Variants in UNC13C observed in about 807,000 individuals in gnomAD.
UNC13C encodes the protein protein unc-13 homolog C.
UNC13C carries 174 observed loss-of-function variants against 245.4 expected under a neutral mutation model. The observed-to-expected ratio is 0.71, with a 90% CI of 0.63 to 0.80. The LOEUF is 0.80. UNC13C is among the 30% of genes least tolerant of loss of function. The pLI, the probability that UNC13C is intolerant of heterozygous loss-of-function variation, is 0.00. For synonymous variants in UNC13C, 992 were observed against 895.1 expected (o/e 1.11, Z -1.93); for missense variants, 2,829 against 2,602.9 (o/e 1.09, Z -1.89).
chr15:54,613,175 A>C (rs1900216031), intron 30 of UNC13C, among the ~76,000 whole-genome samples: 1 of 151,912 alleles, frequency 6.6e-6, no homozygotes, highest in African/African-American at 2.4e-5. Flanking sequence ...CATAATAGCC[A>C]ATTAGTATAT....
chr15:54,612,039 A>C (rs12592949), intron 30 of UNC13C, among the ~76,000 whole-genome samples: 67,165 of 151,902 alleles, frequency 0.44, 16,144 homozygotes, highest in East Asian at 0.62. Flanking sequence ...TTTATTTCTC[A>C]TTTTCAACCA....
intron 19 of UNC13C, among the ~76,000 whole-genome samples, chr15:54,482,913 C>G (rs1596460835): frequency 6.6e-6 from 1 of 152,124 alleles, no homozygotes; most frequent in Non-Finnish European, 1.5e-5. Context: ...TTCTTATCCT[C>G]TAACTTTTTA....
At chr15:54,100,705 T>A (rs1259971737) in intron 2 of UNC13C, among the ~76,000 whole-genome samples, 2 of 151,696 alleles carry the variant, frequency 1.3e-5, no homozygotes, top group Non-Finnish European at 2.9e-5. Flanking sequence ...AAAAAATAGC[T>A]GTTGAAACCA....
chr15:53,875,537 C>T, the UNC13C span, among the ~76,000 whole-genome samples: 3 of 151,802 alleles, frequency 2.0e-5, no homozygotes, highest in Non-Finnish European at 4.4e-5. Flanking sequence ...GAAGATTTTC[C>T]AAAAAACAAG....
intron 4 of UNC13C, among the ~76,000 whole-genome samples, chr15:54,169,099 A>G: frequency 6.6e-6 from 1 of 152,216 alleles, no homozygotes; most frequent in East Asian, 1.9e-4. Context: ...GAACTCAGTT[A>G]TTGAAGAAGT....
chr15:54,606,852 T>C (rs1899793145), intron 30 of UNC13C, among the ~76,000 whole-genome samples: 1 of 152,190 alleles, frequency 6.6e-6, no homozygotes, highest in South Asian at 2.1e-4. Context: ...AGGAATTACA[T>C]GGATGAATGT....
At chr15:53,891,551 G>C in the UNC13C span, among the ~76,000 whole-genome samples, 1 of 151,938 alleles carries the variant, frequency 6.6e-6, no homozygotes, top group African/African-American at 2.4e-5. Flanking sequence ...TCCTGTATTG[G>C]GTACATATAT....
chr15:54,067,025 A>C (rs1445436264), intron 2 of UNC13C, among the ~76,000 whole-genome samples: 1 of 152,082 alleles, frequency 6.6e-6, no homozygotes, highest in African/African-American at 2.4e-5. Flanking sequence ...TTGTTTTGAC[A>C]GTCTTTTAGC....
chr15:54,413,939 G>A (rs1426072032), intron 18 of UNC13C, among the ~76,000 whole-genome samples: 2 of 152,144 alleles, frequency 1.3e-5, no homozygotes, highest in Non-Finnish European at 2.9e-5. Flanking sequence ...CTTACATTCT[G>A]GCATGGAGTG....
chr15:54,619,783 TATGA>T (rs1256508131), intron 30 of UNC13C, among the ~76,000 whole-genome samples: 1 of 151,990 alleles, frequency 6.6e-6, no homozygotes, highest in African/African-American at 2.4e-5. Flanking sequence ...CATTGTATTG[TATGA>T]ATGAGAAGTA....
the UNC13C span, among the ~76,000 whole-genome samples, chr15:53,839,115 A>G: frequency 6.6e-6 from 1 of 152,004 alleles, no homozygotes; most frequent in Non-Finnish European, 1.5e-5. Flanking sequence ...AACGTGTAAA[A>G]TGTGTATATG....
intron 30 of UNC13C, among the ~76,000 whole-genome samples, chr15:54,577,469 G>C (rs1192859669): frequency 1.3e-5 from 2 of 152,184 alleles, no homozygotes; most frequent in African/African-American, 4.8e-5. Context: ...AGGCTGAGCT[G>C]TGTGGGTCAC....
At chr15:54,280,278 AC>A (rs2036941863) in intron 10 of UNC13C, among the ~76,000 whole-genome samples, 1 of 152,012 alleles carries the variant, frequency 6.6e-6, no homozygotes, top group Non-Finnish European at 1.5e-5. Context: ...AATACAATAT[AC>A]TTATTAAAAA....
chr15:54,390,064 A>G (rs1339463726), intron 17 of UNC13C, among the ~76,000 whole-genome samples: 1 of 152,080 alleles, frequency 6.6e-6, no homozygotes, highest in Non-Finnish European at 1.5e-5. Context: ...TCTCCTCCCA[A>G]CCCAAGTCTT....
chr15:54,294,846 A>G (rs2037387937), intron 11 of UNC13C, among the ~76,000 whole-genome samples: 1 of 152,170 alleles, frequency 6.6e-6, no homozygotes, highest in Non-Finnish European at 1.5e-5. Context: ...ACCACTTAGG[A>G]TACCAACATA....
chr15:54,418,047 C>A (rs762996562), intron 19 of UNC13C, among the ~76,000 whole-genome samples: 10 of 152,060 alleles, frequency 6.6e-5, no homozygotes, highest in Non-Finnish European at 1.2e-4. Context: ...CCTCAACGTC[C>A]CAAGTAGCTG....
chr15:53,893,210 G>C, the UNC13C span, among the ~76,000 whole-genome samples: 1 of 152,202 alleles, frequency 6.6e-6, no homozygotes, highest in African/African-American at 2.4e-5. Context: ...ATTACTGCCT[G>C]TTCTTTTCTC....
At chr15:53,846,822 C>T in the UNC13C span, among the ~76,000 whole-genome samples, 2 of 152,082 alleles carry the variant, frequency 1.3e-5, no homozygotes, top group Non-Finnish European at 2.9e-5. Context: ...TAGGTAGAAG[C>T]TTTAGTTATC....
At chr15:54,261,550 T>TGTTTC (rs1486728423) in intron 8 of UNC13C, among the ~76,000 whole-genome samples, 95 of 152,216 alleles carry the variant, frequency 6.2e-4, no homozygotes, top group Middle Eastern at 3.4e-3. Flanking sequence ...TGTTTTGTTT[T>TGTTTC]GTTTTGTTTT....
Sources: gnomAD v4.1 joint callset for allele counts (sites outside exome capture counted in the v4.1 genomes callset) on GRCh38, gnomAD v4.1.1 for gene constraint, MANE v1.5 for transcripts, NCBI Gene and HGNC (gene_info 2026-07-23, HGNC 2026-07-21) for gene names.